CYTH2: variants seen among roughly 807,000 people sequenced by gnomAD.
CYTH2 encodes the protein cytohesin 2.
Under a neutral mutation model 55.4 loss-of-function variants are expected in CYTH2, and 24 were observed. The ratio of observed to expected loss-of-function variants is 0.43; its 90% CI spans 0.31 to 0.61. CYTH2 has a LOEUF of 0.61. Ranked by LOEUF, CYTH2 falls within the 20% of genes least tolerant of loss-of-function variation. The pLI is 0.08. For missense variants in CYTH2, 378 were observed against 533.5 expected (o/e 0.71, Z 2.87); for synonymous variants, 221 against 209.6 (o/e 1.05, Z -0.47).
rs142983858 is a variant in CYTH2, at chr19:48,478,617, T to A, written c.1112+25T>A. The stretch of plus-strand genomic sequence containing the variant: ...AGTGAGCCTGGACTCCTGGGCCTGA[T>A]GGAGGAGGGGCTGGGGCCTGGACTC... On this transcript the variant is annotated intron_variant, in intron 11 of 11. Transcript: ENST00000452733. 44 of 1,497,170 alleles carry A rather than the reference T, an allele frequency of 2.9e-5. No individual in the cohort carries two copies. The East Asian group carries it at 9.9e-4, about 34-fold the overall frequency. 92.7% of individuals were successfully genotyped at this position (1,497,170 alleles called of 1,614,324 possible).
At position 48,478,076 on chromosome 19, in the gene CYTH2, G is replaced by A; in HGVS notation, c.816G>A (p.Arg272=). ...REGWLLKLGG[R]VKTWKRRWFI... ...CCACCCCTTCCCTTTCAGGGGGCCG[G>A]GTGAAGACGTGGAAGCGGCGCTGGT... Residue 272 remains arginine (R), a synonymous_variant, in exon 9 of 12, where the codon CGG becomes CGA. Transcript: ENST00000452733. The A allele has an allele frequency of 1.2e-6, 2 of 1,614,080 alleles. No individual in the cohort carries two copies. The highest frequency in any genetic ancestry group is 1.7e-6 in the Non-Finnish European group (2 of 1,179,956).
At position 48,480,457 on chromosome 19, in the gene CYTH2, A is replaced by G. The variant is rs1601031405; in HGVS notation, c.*1247A>G. ...CCCTGTCCCGCCCTTGGCCACAGGC[A>G]CCTGCCGGCCTGAAGGCCCCCGCGG... On this transcript the variant is annotated 3_prime_UTR_variant, in exon 12 of 12. Transcript: ENST00000452733. 1 of 152,042 alleles carries G rather than the reference A, an allele frequency of 6.6e-6. No individual in the cohort carries two copies. The highest frequency in any genetic ancestry group is 1.5e-5 in the Non-Finnish European group (1 of 67,986). The allele number at this position is 152,042 out of a possible 1,614,324, so 9.4% of individuals were successfully genotyped here. A position where few individuals can be genotyped will look rare whatever the true frequency, so the allele number is the denominator to read the frequency against.
rs746113650 is a variant in CYTH2 at position 48,474,864 on chromosome 19, G to A, written c.723G>A (p.Glu241=). 1.9e-6 allele frequency: 3 copies of A among 1,614,184 alleles called. No homozygotes were observed. The highest frequency in any genetic ancestry group is 2.2e-5 in the South Asian group (2 of 91,084). Residue 241 remains glutamate, a synonymous_variant, in exon 8 of 12, where the codon GAG becomes GAA. Transcript: ENST00000452733. This position sits in a 1 kb window ranked among gnomAD's most constrained non-coding sequence, Gnocchi z 4.9. ...ACCTGTACGACAGCATCCGAAATGAGCCCTTCAAGATTCCTGAGGATGACG... is the reference window on the plus strand; with the variant it reads ...ACCTGTACGACAGCATCCGAAATGAACCCTTCAAGATTCCTGAGGATGACG... ...LRNLYDSIRN[E]PFKIPEDDGN... is the part of the protein sequence containing the mutation.
At chr19:48,477,674 C>T (rs1482325949) in intron 8 of CYTH2, 2 of 217,108 alleles carry the variant, frequency 9.2e-6, no homozygotes, top group Admixed American at 5.1e-5. Context: ...GCCTTCCCTT[C>T]TCCTGCACCT....
In CYTH2 at chr19:48,474,760, G is replaced by T; in HGVS notation, c.697-78G>T. 2 of 1,252,972 alleles carry T rather than the reference G, an allele frequency of 1.6e-6. No homozygotes were observed. Among genetic ancestry groups the T allele is most frequent in the Non-Finnish European group, 2.3e-6 (2 of 858,750 alleles). 77.6% of individuals were successfully genotyped at this position (1,252,972 alleles called of 1,614,324 possible). ...CCCACTATGAGTCATCCCATCCCTG[G>T]TCTCGCTGCCCCCCACCCTGAGTAA... On this transcript the variant is annotated intron_variant, in intron 7 of 11. Transcript: ENST00000452733. The surrounding 1 kb of genome is among the most constrained non-coding windows in gnomAD (Gnocchi z 4.9).
chr19:48,472,761 A>G lies in CYTH2; in HGVS notation c.353+318A>G, dbSNP rs149294588. On this transcript the variant is annotated intron_variant, in intron 4 of 11. Transcript: ENST00000452733. ...GGAGCTTGAGAACCGTGGGTAGACC[A>G]TGGCTGTGCATAGGCACTGGGTGGC... 731 of 404,978 alleles carry G rather than the reference A, an allele frequency of 1.8e-3. 9 individuals are homozygous for G. The highest frequency in any genetic ancestry group is 0.014 in the African/African-American group (673 of 48,940). The allele number at this position is 404,978 out of a possible 1,614,324, so 25.1% of individuals were successfully genotyped here.
At position 48,472,327 on chromosome 19, in the gene CYTH2, G is replaced by A; in HGVS notation, c.237G>A (p.Gly79=). The stretch of plus-strand genomic sequence containing the variant: ...GAGACCTTGTCCCCACCCACCAGGG[G>A]ATCCAGTTCTTGGTGGAGAATGAAC... ...RKKFNMDPKK[G]IQFLVENELL... The change falls in exon 4 of 12, where the codon GGG becomes GGA. Residue 79 remains glycine, a splice_region_variant and synonymous_variant. Transcript: ENST00000452733. The A allele has an allele frequency of 6.2e-7, 1 of 1,613,902 alleles. No individual in the cohort carries two copies. Among genetic ancestry groups the A allele is most frequent in the Non-Finnish European group, 8.5e-7 (1 of 1,179,950 alleles).
In CYTH2 at chr19:48,481,356, C is replaced by T. The variant is rs866882316; in HGVS notation, c.*2146C>T. On this transcript the variant is annotated 3_prime_UTR_variant, in exon 12 of 12. Coordinates refer to ENST00000452733, the MANE Select transcript of CYTH2 (RefSeq NM_004228.7). ...GGAGATGCCTGTGGAACATTCCAGC[C>T]AGGCTGCATCACGTCACACTGACCT... 6.5e-6 allele frequency: 1 copy of T among 153,174 alleles called. No homozygotes were observed. Among genetic ancestry groups the T allele is most frequent in the Non-Finnish European group, 1.5e-5 (1 of 68,624 alleles). 9.5% of individuals were successfully genotyped at this position (153,174 alleles called of 1,614,324 possible).
intron 8 of CYTH2, chr19:48,477,825 G>A: frequency 3.9e-6 from 2 of 511,808 alleles, no homozygotes; most frequent in Middle Eastern, 5.2e-4. Flanking sequence ...GGGGCTGGGG[G>A]CTCAGGCTCC....
chr19:48,479,155 T>C lies in CYTH2; in HGVS notation c.1145T>C (p.Met382Thr), dbSNP rs1324678727. The part of the protein sequence containing the change: ...AAVSVDPFYE[M>T]LAARKKRISV... Reference sequence around the variant, plus strand: ...GTGAGTGTGGACCCCTTCTATGAGATGCTGGCAGCGAGAAAGAAGCGGATT... The same window carrying C: ...GTGAGTGTGGACCCCTTCTATGAGACGCTGGCAGCGAGAAAGAAGCGGATT... The change falls in exon 12 of 12, where the codon ATG (methionine) becomes ACG (threonine). Residue 382 changes from methionine (M) to threonine (T), a missense_variant. By Grantham distance (81) the Met-to-Thr change is moderately conservative. Coordinates refer to ENST00000452733, the MANE Select transcript of CYTH2 (RefSeq NM_004228.7). 5.0e-6 allele frequency: 8 copies of C among 1,614,092 alleles called. No individual in the cohort carries two copies. The highest frequency in any genetic ancestry group is 1.7e-4 in the Middle Eastern group (1 of 6,060).
At position 48,479,298 on chromosome 19, in the gene CYTH2, C is replaced by A; in HGVS notation, c.*88C>A. Reference sequence around the variant, plus strand: ...GGCCTTGGGGCTGTGGATCCTGGTTCCCTGTTTGGAAAATTCACCACCTCT... The same window carrying A: ...GGCCTTGGGGCTGTGGATCCTGGTTACCTGTTTGGAAAATTCACCACCTCT... On this transcript the variant is annotated 3_prime_UTR_variant, in exon 12 of 12. Transcript: ENST00000452733. 1 of 1,420,574 alleles carries A rather than the reference C, an allele frequency of 7.0e-7. No individual in the cohort carries two copies. Among genetic ancestry groups the A allele is most frequent in the Non-Finnish European group, 9.8e-7 (1 of 1,016,068 alleles). 88.0% of individuals were successfully genotyped at this position (1,420,574 alleles called of 1,614,324 possible). A position where few individuals can be genotyped will look rare whatever the true frequency, so the allele number is the denominator to read the frequency against.
Position 48,474,696 on chromosome 19 carries a change from C to G in CYTH2, c.697-142C>G. On this transcript the variant is annotated intron_variant, in intron 7 of 11. Transcript: ENST00000452733. The surrounding 1 kb of genome is among the most constrained non-coding windows in gnomAD (Gnocchi z 4.9). ...CCTCAGCCTCCCTCCACTTCTCTGC[C>G]TTTCACTTCCCTCTCCTCCCCACTA... 1.4e-6 allele frequency: 1 copy of G among 710,112 alleles called. No homozygotes were observed. The highest frequency in any genetic ancestry group is 2.4e-6 in the Non-Finnish European group (1 of 416,252). The allele number at this position is 710,112 out of a possible 1,614,324, so 44.0% of individuals were successfully genotyped here.
chr19:48,477,986 C>T (rs1971953019), intron 8 of CYTH2, 83 bp from the exon 9 acceptor site: 3 of 1,157,982 alleles, frequency 2.6e-6, no homozygotes, highest in South Asian at 2.6e-5. Context: ...ACCGCTCTTG[C>T]TCTGCTTCTC....
At chr19:48,478,729 G>A in intron 11 of CYTH2, 137 bp downstream of exon 11, 1 of 889,982 alleles carries the variant, frequency 1.1e-6, no homozygotes, top group Non-Finnish European at 1.6e-6. Flanking sequence ...GTCTGACGGA[G>A]GAGGGGCTGG....
rs779670761 is a variant in CYTH2, at chr19:48,474,328, A to G, written c.694A>G (p.Arg232Gly). 10 of 1,596,526 alleles carry G rather than the reference A, an allele frequency of 6.3e-6. No homozygotes were observed. The highest frequency in any genetic ancestry group is 7.7e-6 in the Non-Finnish European group (9 of 1,171,444). The change falls in exon 7 of 12, where the codon AGG becomes GGG. Residue 232 changes from arginine (R) to glycine (G), a missense_variant and splice_region_variant. Physicochemically the swap from Arg to Gly is moderately radical, Grantham distance 125. Transcript: ENST00000452733. This position sits in a 1 kb window ranked among gnomAD's most constrained non-coding sequence, Gnocchi z 4.9. ...CGGGGACCTGCCTGAGGAGCTGCTCAGGGTCAGTCCCCCTTCCCTGCCCCT... is the reference window on the plus strand; with the variant it reads ...CGGGGACCTGCCTGAGGAGCTGCTCGGGGTCAGTCCCCCTTCCCTGCCCCT... The part of the protein sequence containing the change: ...EGGDLPEELL[R>G]NLYDSIRNEP...
chr19:48,472,634 G>A (rs765078708), intron 4 of CYTH2, 191 bp downstream of exon 4: 18 of 639,950 alleles, frequency 2.8e-5, no homozygotes, highest in South Asian at 2.0e-4. Flanking sequence ...GCGGCCAACC[G>A]AGAGCATCTG....
chr19:48,478,496 C>G lies in CYTH2; in HGVS notation c.1016C>G (p.Thr339Ser). 1 of 1,614,164 alleles carries G rather than the reference C, an allele frequency of 6.2e-7. No individual in the cohort carries two copies. The highest frequency in any genetic ancestry group is 1.7e-5 in the Admixed American group (1 of 60,018). ...GGGCAGCTCATCAAAGCCTGCAAAA[C>G]TGAGGCGGACGGCCGAGTGGTGGAG... ...NKGQLIKACK[T>S]EADGRVVEGN... Residue 339 changes from threonine (T) to serine (S), a missense_variant, in exon 11 of 12, where the codon ACT becomes AGT. Physicochemically the swap from Thr to Ser is moderately conservative, Grantham distance 58. Transcript: ENST00000452733.
At chr19:48,475,059 C>A (rs767324810) in intron 8 of CYTH2, 110 bp downstream of exon 8, 2 of 967,594 alleles carry the variant, frequency 2.1e-6, no homozygotes, top group Admixed American at 2.6e-5. Context: ...GCAAATGATT[C>A]GACCTCTCTG....
rs956383124 is a variant in CYTH2 at position 48,473,791 on chromosome 19, T to G, written c.435-114T>G. The G allele has an allele frequency of 9.9e-6, 8 of 804,030 alleles. No individual in the cohort carries two copies. In the African/African-American group the frequency reaches 1.2e-4, roughly 12 times the overall value. The allele number at this position is 804,030 out of a possible 1,614,324, so 49.8% of individuals were successfully genotyped here. Reference sequence around the variant, plus strand: ...ATCATGTGACCATACCTGAAACAACTGCTGAGGCCGGAAGGTCGGGATTCC... The same window carrying G: ...ATCATGTGACCATACCTGAAACAACGGCTGAGGCCGGAAGGTCGGGATTCC... On this transcript the variant is annotated intron_variant, in intron 5 of 11. Transcript: ENST00000452733.
Sources: gnomAD v4.1 joint callset for allele counts on GRCh38, gnomAD v4.1.1 for gene constraint, Gnocchi (gnomAD v3.1) non-coding constraint, MANE v1.5 for transcripts, NCBI Gene and HGNC (gene_info 2026-07-23, HGNC 2026-07-21) for gene names.